LAMB3: variants seen among roughly 807,000 people sequenced by gnomAD.
The protein encoded by LAMB3 is laminin subunit beta 3.
In LAMB3, 104 loss-of-function variants were observed where a neutral mutation model predicts 140.3. That is an observed-to-expected ratio of 0.74 (90% CI 0.63 to 0.87). LAMB3 has a LOEUF of 0.87. Ranked by LOEUF, LAMB3 falls within the 40% of genes least tolerant of loss-of-function variation. The pLI, the probability that LAMB3 is intolerant of heterozygous loss-of-function variation, is 0.00. For synonymous variants in LAMB3, 592 were observed against 602.9 expected (o/e 0.98, Z 0.26); for missense variants, 1,531 against 1,575.2 (o/e 0.97, Z 0.47).
At chr1:209,647,124 T>C (rs1424959880) in intron 3 of LAMB3, among the ~76,000 whole-genome samples, 2 of 152,212 alleles carry the variant, frequency 1.3e-5, no homozygotes, top group Admixed American at 1.3e-4. Context: ...GCAGAGAAGA[T>C]GCCATAAGGC....
chr1:209,629,639 G>GCA (rs1666600301), intron 10 of LAMB3, 98 bp downstream of exon 10: 1 of 1,169,688 alleles, frequency 8.5e-7, no homozygotes, highest in Admixed American at 1.8e-5. Context: ...TGCTCCCTGA[G>GCA]GGCCTTGGTG....
chr1:209,640,828 T>A (rs1171868361), intron 3 of LAMB3, among the ~76,000 whole-genome samples: 1 of 151,986 alleles, frequency 6.6e-6, no homozygotes, highest in Non-Finnish European at 1.5e-5. Flanking sequence ...ACGCCTATAA[T>A]CCCAGCGCTT....
At chr1:209,649,804 G>A (rs562819589) in intron 3 of LAMB3, among the ~76,000 whole-genome samples, 160 bp downstream of exon 3, 1 of 152,320 alleles carries the variant, frequency 6.6e-6, no homozygotes, top group African/African-American at 2.4e-5. Flanking sequence ...AAATTCCTTA[G>A]AGGCAAGGAT....
chr1:209,615,351 G>C lies in LAMB3; in HGVS notation c.3439C>G (p.Leu1147Val). Residue 1147 changes from leucine (L) to valine (V), a missense_variant, in exon 23 of 23, where the codon CTG becomes GTG. Coordinates refer to ENST00000356082, the MANE Select transcript of LAMB3 (RefSeq NM_000228.3). ...SQAIMLRSAD[L>V]TGLEKRVEQI... ...TCCACACGCTTCTCCAGTCCTGTCA[G>C]GTCCGCTGAGCGCAGCATGATGGCC... 1 of 1,613,618 alleles carries C rather than the reference G, an allele frequency of 6.2e-7. No individual in the cohort carries two copies. Among genetic ancestry groups the C allele is most frequent in the South Asian group, 1.1e-5 (1 of 91,032 alleles).
At chr1:209,649,938 CT>C in intron 3 of LAMB3, 25 bp downstream of exon 3, 1 of 1,613,904 alleles carries the variant, frequency 6.2e-7, no homozygotes, top group Non-Finnish European at 8.5e-7. Flanking sequence ...TCCCGCCTTC[CT>C]CCAGTCCTGG....
chr1:209,631,409 C>G (rs936123523), intron 8 of LAMB3, among the ~76,000 whole-genome samples: 1 of 152,220 alleles, frequency 6.6e-6, no homozygotes, highest in East Asian at 1.9e-4. Flanking sequence ...ATTCTCTTCT[C>G]TCTGTATTCA....
intron 7 of LAMB3, 141 bp downstream of exon 7, chr1:209,632,929 A>G (rs1248403338): frequency 9.7e-7 from 1 of 1,030,820 alleles, no homozygotes; most frequent in Non-Finnish European, 1.5e-6. Context: ...CAATATCCCT[A>G]TGGGGCAAGC....
chr1:209,634,180 C>T (rs770441941), intron 6 of LAMB3, among the ~76,000 whole-genome samples: 12 of 152,016 alleles, frequency 7.9e-5, no homozygotes, highest in Non-Finnish European at 1.8e-4. Flanking sequence ...CAATGAGTCA[C>T]GGGGGAGGGG....
chr1:209,624,330 G>C (rs1481927163), intron 14 of LAMB3, among the ~76,000 whole-genome samples: 1 of 152,052 alleles, frequency 6.6e-6, no homozygotes, highest in Non-Finnish European at 1.5e-5. Context: ...GCTCTCTATG[G>C]GCTGGCTTCA....
rs915767862 is a variant in LAMB3 at position 209,629,601 on chromosome 1, C to T, written c.1132+136G>A. 7 of 791,328 alleles carry T rather than the reference C, an allele frequency of 8.8e-6. No individual in the cohort carries two copies. In the African/African-American group the frequency reaches 1.2e-4, roughly 14 times the overall value. The allele number at this position is 791,328 out of a possible 1,614,324, so 49.0% of individuals were successfully genotyped here. ...ATAGCTAAATTAAAATAATCTCCCA[C>T]AAATCCTGACTCACAGCCAAGTTTT... On this transcript the variant is annotated intron_variant, in intron 10 of 22. Transcript: ENST00000356082.
chr1:209,640,346 A>G (rs930229338), intron 3 of LAMB3, among the ~76,000 whole-genome samples: 49 of 151,630 alleles, frequency 3.2e-4, no homozygotes, highest in Admixed American at 1.3e-4. Context: ...TCAGGAGTTC[A>G]AGACCAGCCT....
At chr1:209,627,125 G>T in intron 12 of LAMB3, 147 bp from the exon 13 acceptor site, 1 of 753,964 alleles carries the variant, frequency 1.3e-6, no homozygotes. Flanking sequence ...CAAAACAAGG[G>T]CTCCCACTCA....
Position 209,615,385 on chromosome 1 carries a change from C to T in LAMB3, c.3405G>A (p.Arg1135=). 1 of 1,607,324 alleles carries T rather than the reference C, an allele frequency of 6.2e-7. No homozygotes were observed. The highest frequency in any genetic ancestry group is 8.5e-7 in the Non-Finnish European group (1 of 1,175,636). The change falls in exon 23 of 23, where the codon CGG becomes CGA. Residue 1135 remains arginine, a synonymous_variant. Coordinates refer to ENST00000356082, the MANE Select transcript of LAMB3 (RefSeq NM_000228.3). ...AGCGCAGCATGATGGCCTGGCTGCC[C>T]CGCAGCAGCTCCAACTCCATGTCTG... is the stretch of plus-strand genomic sequence containing the variant. ...RMKDMELELL[R]GSQAIMLRSA...
chr1:209,626,981 G>T lies in LAMB3; in HGVS notation c.1486-3C>A. 1 of 1,603,076 alleles carries T rather than the reference G, an allele frequency of 6.2e-7. No homozygotes were observed. Among genetic ancestry groups the T allele is most frequent in the Non-Finnish European group, 8.5e-7 (1 of 1,171,248 alleles). On this transcript the variant is annotated splice_polypyrimidine_tract_variant and splice_region_variant and intron_variant, in intron 12 of 22. Coordinates refer to ENST00000356082, the MANE Select transcript of LAMB3 (RefSeq NM_000228.3). ...CGACAGGGGCACTGCCCTGTGAACT[G>T]CGTGGGGAGAGCACCGTCAGTGGAC...
At position 209,623,309 on chromosome 1, in the gene LAMB3, A is replaced by T. The variant is rs1314828977; in HGVS notation, c.2359-130T>A. On this transcript the variant is annotated intron_variant, in intron 16 of 22. Coordinates refer to ENST00000356082, the MANE Select transcript of LAMB3 (RefSeq NM_000228.3). This position sits in a 1 kb window ranked among gnomAD's most constrained non-coding sequence, Gnocchi z 4.2. ...GCACCAGAAACAGCCAGACATCTCC[A>T]TGAGAGCTAAGGACCAGAAACTGGT... 2.8e-6 allele frequency: 3 copies of T among 1,053,396 alleles called. No individual in the cohort carries two copies. The highest frequency in any genetic ancestry group is 4.3e-6 in the Non-Finnish European group (3 of 690,788). 65.3% of individuals were successfully genotyped at this position (1,053,396 alleles called of 1,614,324 possible).
Position 209,628,071 on chromosome 1 carries a change from T to C in LAMB3, c.1252A>G (p.Thr418Ala). 2 of 1,607,408 alleles carry C rather than the reference T, an allele frequency of 1.2e-6. No homozygotes were observed. Among genetic ancestry groups the C allele is most frequent in the Non-Finnish European group, 8.5e-7 (1 of 1,176,822 alleles). ...ERCDLCKPGFTGLTYANPQGC... is the reference protein window; with the variant it reads ...ERCDLCKPGFAGLTYANPQGC... ...TGCGGGTTGGCGTAGGTGAGTCCAG[T>C]GAAGCCCGGCTTGCATAGGTCACAG... is the stretch of plus-strand genomic sequence containing the variant. The change falls in exon 11 of 23, where the codon ACT becomes GCT. Residue 418 changes from threonine (T) to alanine (A), a missense_variant. By Grantham distance (58) the Thr-to-Ala change is moderately conservative. Coordinates refer to ENST00000356082, the MANE Select transcript of LAMB3 (RefSeq NM_000228.3).
At chr1:209,627,209 A>G (rs1666493311) in intron 12 of LAMB3, among the ~76,000 whole-genome samples, 174 bp downstream of exon 12, 1 of 152,208 alleles carries the variant, frequency 6.6e-6, no homozygotes, top group Admixed American at 6.5e-5. Context: ...ACTGACGGCC[A>G]AGAGCCACAG....
At chr1:209,620,118 C>T (rs1369474072) in intron 18 of LAMB3, among the ~76,000 whole-genome samples, 1 of 152,202 alleles carries the variant, frequency 6.6e-6, no homozygotes, top group Non-Finnish European at 1.5e-5. Flanking sequence ...GCTGCATCCT[C>T]AGGGTCAATC....
At chr1:209,642,679 A>G (rs901389830) in intron 3 of LAMB3, among the ~76,000 whole-genome samples, 2 of 152,238 alleles carry the variant, frequency 1.3e-5, no homozygotes, top group African/African-American at 4.8e-5. Flanking sequence ...GGATTTCACC[A>G]TGTTGGCCAG....
Sources: allele counts gnomAD v4.1 joint callset (sites outside exome capture counted in the v4.1 genomes callset), GRCh38; gene constraint gnomAD v4.1.1; non-coding constraint Gnocchi (gnomAD v3.1); transcripts MANE v1.5; gene names NCBI Gene and HGNC (gene_info 2026-07-23, HGNC 2026-07-21).